SLCO6A1: variants seen among roughly 807,000 people sequenced by gnomAD.
SLCO6A1 encodes the protein solute carrier organic anion transporter family member 6A1.
In SLCO6A1, 65 loss-of-function variants were observed where a neutral mutation model predicts 72.7. The ratio of observed to expected loss-of-function variants is 0.89; its 90% CI spans 0.73 to 1.10. SLCO6A1 has a LOEUF of 1.10. SLCO6A1 is among the 50% of genes least tolerant of loss of function. The probability of loss-of-function intolerance (pLI) is 0.00; values close to 1 mark genes in which losing one functional copy is unlikely to be tolerated. For missense variants in SLCO6A1, 874 were observed against 872.6 expected, an observed-to-expected ratio of 1.00 and a Z score of -0.02; for synonymous variants, 314 against 298.2, an observed-to-expected ratio of 1.05 and a Z score of -0.55.
intron 4 of SLCO6A1, among the ~76,000 whole-genome samples, chr5:102,467,417 A>G (rs1333940757): frequency 6.6e-6 from 1 of 151,976 alleles, no homozygotes; most frequent in Non-Finnish European, 1.5e-5. Context: ...CTTTAAAAAA[A>G]AAAATAACAA....
At position 102,480,508 on chromosome 5, in the gene SLCO6A1, A is replaced by T. The variant is rs1412191940; in HGVS notation, c.359-74T>A. 1.4e-5 allele frequency: 19 copies of T among 1,369,900 alleles called. No homozygotes were observed. The East Asian group carries it at 3.9e-4, about 28-fold the overall frequency. The allele number at this position is 1,369,900 out of a possible 1,614,324, so 84.9% of individuals were successfully genotyped here. ...GTCATTATGATTATTACAAAGCAAA[A>T]TTTAAATTACATGATGTAAGTTTAT... On this transcript the variant is annotated intron_variant, in intron 1 of 13. Transcript: ENST00000506729.
chr5:102,420,557 C>T lies in SLCO6A1; in HGVS notation c.1277-536G>A, dbSNP rs77066579. Among the ~76,000 whole-genome samples the T allele has an allele frequency of 6.6e-5, 10 of 151,878 alleles. No individual in the cohort carries two copies. In the East Asian group the frequency reaches 1.9e-3, roughly 29 times the overall value. On this transcript the variant is annotated intron_variant, in intron 7 of 13. Coordinates refer to ENST00000506729, the MANE Select transcript of SLCO6A1 (RefSeq NM_173488.5). ...CTATCCAAGAGTAAGGAATTAGAAACAGGTAAGCAAAAGAAAGAGAAAAAG... is the reference window on the plus strand; with the variant it reads ...CTATCCAAGAGTAAGGAATTAGAAATAGGTAAGCAAAAGAAAGAGAAAAAG...
At chr5:102,443,710 C>T (rs958678837) in intron 6 of SLCO6A1, among the ~76,000 whole-genome samples, 2 of 152,062 alleles carry the variant, frequency 1.3e-5, no homozygotes, top group African/African-American at 4.8e-5. Context: ...ATTAAGAATG[C>T]CATAGATTTC....
chr5:102,397,069 C>A (rs1747126467), intron 10 of SLCO6A1, among the ~76,000 whole-genome samples: 1 of 152,090 alleles, frequency 6.6e-6, no homozygotes, highest in Admixed American at 6.5e-5. Flanking sequence ...TAGTTCTTTT[C>A]TTCTGTTCTG....
chr5:102,469,572 G>GAGA (rs1751494181), intron 4 of SLCO6A1, among the ~76,000 whole-genome samples: 2 of 152,150 alleles, frequency 1.3e-5, no homozygotes, highest in Non-Finnish European at 2.9e-5. Context: ...AGACGACGGG[G>GAGA]TTTTCTGAAC....
intron 1 of SLCO6A1, among the ~76,000 whole-genome samples, chr5:102,481,195 T>C (rs1196196927): frequency 6.6e-6 from 1 of 151,210 alleles, no homozygotes; most frequent in Non-Finnish European, 1.5e-5. Flanking sequence ...CTGCTACTAT[T>C]GCTGCTGCTG....
At chr5:102,460,203 A>G (rs900238713) in intron 4 of SLCO6A1, among the ~76,000 whole-genome samples, 2 of 152,122 alleles carry the variant, frequency 1.3e-5, no homozygotes, top group East Asian at 3.9e-4. Flanking sequence ...GCAGAACTGA[A>G]GCTTTTTATG....
chr5:102,380,363 C>G (rs905220336), intron 12 of SLCO6A1, among the ~76,000 whole-genome samples: 7 of 151,940 alleles, frequency 4.6e-5, no homozygotes, highest in Non-Finnish European at 7.4e-5. Flanking sequence ...GATGAGTCAT[C>G]CTAATTAAAA....
intron 7 of SLCO6A1, among the ~76,000 whole-genome samples, chr5:102,421,202 G>A (rs1478489950): frequency 6.6e-6 from 1 of 152,060 alleles, no homozygotes; most frequent in Non-Finnish European, 1.5e-5. Flanking sequence ...CAGTTGGGCA[G>A]ACAATGAGCT....
rs537822915 is a variant in SLCO6A1, at chr5:102,398,161, T to C, written c.1814+1394A>G. 5.5e-4 allele frequency among the ~76,000 whole-genome samples: 83 copies of C among 152,258 alleles called. 1 individual carries two copies. Among genetic ancestry groups the C allele is most frequent in the South Asian group, 4.4e-3 (21 of 4,826 alleles). On this transcript the variant is annotated intron_variant, in intron 10 of 13. Transcript: ENST00000506729. ...ATTTCTCCATATTTTGTACCAGGCA[T>C]ATCAAATTAATAAATCTTACCCTCT...
chr5:102,414,289 T>C (rs1034168196), intron 8 of SLCO6A1, among the ~76,000 whole-genome samples: 12 of 152,190 alleles, frequency 7.9e-5, no homozygotes, highest in African/African-American at 2.9e-4. Flanking sequence ...CATATAGATA[T>C]CTATCCAGCA....
chr5:102,461,298 G>C (rs1483392651), intron 4 of SLCO6A1, among the ~76,000 whole-genome samples: 2 of 151,802 alleles, frequency 1.3e-5, no homozygotes, highest in East Asian at 3.9e-4. Context: ...TTTATTGAAG[G>C]GTATAAAAGA....
chr5:102,391,148 T>C, intron 10 of SLCO6A1, 103 bp from the exon 11 acceptor site: 1 of 1,027,880 alleles, frequency 9.7e-7, no homozygotes, highest in Non-Finnish European at 1.5e-6. Context: ...GGTGCATCAA[T>C]TGTACTAAGA....
At position 102,474,077 on chromosome 5, in the gene SLCO6A1, G is replaced by GA. The variant is rs201008952; in HGVS notation, c.899+1619dup. 8.5e-3 allele frequency among the ~76,000 whole-genome samples: 1,283 copies of GA among 151,150 alleles called. 13 individuals carry two copies. Among genetic ancestry groups the GA allele is most frequent in the Non-Finnish European group, 0.015 (1,034 of 67,568 alleles). ...TCCAATGGCGTTTTTTACAAAAATA[G>GA]AAAAAAAATCATGTGGAATCAGAAA... is the stretch of plus-strand genomic sequence containing the variant. On this transcript the variant is annotated intron_variant, in intron 4 of 13. Coordinates refer to ENST00000506729, the MANE Select transcript of SLCO6A1 (RefSeq NM_173488.5).
chr5:102,398,657 G>C (rs890918045), intron 10 of SLCO6A1, among the ~76,000 whole-genome samples: 1 of 152,052 alleles, frequency 6.6e-6, no homozygotes, highest in Non-Finnish European at 1.5e-5. Context: ...TGTTAACATG[G>C]CAAAGAAGGT....
intron 1 of SLCO6A1, among the ~76,000 whole-genome samples, chr5:102,481,311 G>A (rs998362726): frequency 1.3e-5 from 2 of 152,134 alleles, no homozygotes; most frequent in African/African-American, 2.4e-5. Flanking sequence ...TGCCCTTGCA[G>A]GTGCCAGAGC....
intron 1 of SLCO6A1, among the ~76,000 whole-genome samples, chr5:102,495,932 A>G (rs1752891135): frequency 6.6e-6 from 1 of 152,216 alleles, no homozygotes; most frequent in African/African-American, 2.4e-5. Context: ...GAAGTGTTCC[A>G]GATTAAAGAA....
chr5:102,472,742 T>A lies in SLCO6A1; in HGVS notation c.899+2955A>T, dbSNP rs139502923. Reference sequence around the variant, plus strand: ...AATTGACAAACCTTGGCCAGAGAAATTAAGAAAAAAGAGATAAGACTCAAA... The same window carrying A: ...AATTGACAAACCTTGGCCAGAGAAAATAAGAAAAAAGAGATAAGACTCAAA... On this transcript the variant is annotated intron_variant, in intron 4 of 13. Coordinates refer to ENST00000506729, the MANE Select transcript of SLCO6A1 (RefSeq NM_173488.5). Among the ~76,000 whole-genome samples, 315 of 150,352 alleles carry A rather than the reference T, an allele frequency of 2.1e-3. 2 individuals carry two copies. Among genetic ancestry groups the A allele is most frequent in the African/African-American group, 7.2e-3 (299 of 41,278 alleles).
Position 102,419,896 on chromosome 5 carries a change from G to A in SLCO6A1, c.1402C>T (p.Leu468=). The A allele has an allele frequency of 6.2e-7, 1 of 1,608,166 alleles. No homozygotes were observed. The change falls in exon 8 of 14, where the codon CTG becomes TTG. Residue 468 remains leucine, a synonymous_variant. Coordinates refer to ENST00000506729, the MANE Select transcript of SLCO6A1 (RefSeq NM_173488.5). ...IMVTSVISLI[L]LVFIIFVRCN... ...CGTACAAAAATAATAAACACAAGCAGTATAAGTGATATCACAGATGTAACC... is the reference window on the plus strand; with the variant it reads ...CGTACAAAAATAATAAACACAAGCAATATAAGTGATATCACAGATGTAACC...
Sources: gnomAD v4.1 joint callset for allele counts (sites outside exome capture counted in the v4.1 genomes callset) on GRCh38, gnomAD v4.1.1 for gene constraint, MANE v1.5 for transcripts, NCBI Gene and HGNC (gene_info 2026-07-23, HGNC 2026-07-21) for gene names.